ANGPT2: variants seen among roughly 807,000 people sequenced by gnomAD.
ANGPT2 encodes the protein angiopoietin-2.
In ANGPT2, 28 loss-of-function variants were observed where a neutral mutation model predicts 62.9. The ratio of observed to expected loss-of-function variants is 0.44; its 90% CI spans 0.33 to 0.61. The LOEUF is 0.61. Among genes scored for constraint, ANGPT2 ranks in the 20% least tolerant of loss-of-function variants. The probability of loss-of-function intolerance (pLI) is 0.03; values close to 1 mark genes in which losing one functional copy is unlikely to be tolerated. For synonymous variants in ANGPT2, 284 were observed against 207.8 expected, an observed-to-expected ratio of 1.37 and a Z score of -3.15; for missense variants, 727 against 594.9, an observed-to-expected ratio of 1.22 and a Z score of -2.31.
chr8:6,507,626 G>GAGTGC (rs959718946), intron 8 of ANGPT2: 2 of 144,850 alleles, frequency 1.4e-5, no homozygotes, highest in Admixed American at 1.4e-4. Flanking sequence ...CCCCAGGCTG[G>GAGTGC]AGTGCAGTGG....
rs1812496389 is a variant in ANGPT2 at position 6,503,005 on chromosome 8, G to T, written c.*96C>A. On this transcript the variant is annotated 3_prime_UTR_variant, in exon 9 of 9. Transcript: ENST00000629816. ...CAGCACCGAGCACACGCCCTCTGTG[G>T]TGGAAGAGGACACAGTGCGCAGCCG... The T allele has an allele frequency of 8.4e-6, 12 of 1,428,904 alleles. No individual in the cohort carries two copies. In the South Asian group the frequency reaches 1.4e-4, roughly 17 times the overall value. 88.5% of individuals were successfully genotyped at this position (1,428,904 alleles called of 1,614,324 possible). A position where few individuals can be genotyped will look rare whatever the true frequency, so the allele number is the denominator to read the frequency against.
Position 6,499,905 on chromosome 8 carries a change from G to C in ANGPT2, c.*3196C>G, listed in dbSNP as rs773212360. ...GGATTTCTGAGGAGCCGTTCGAACT[G>C]TCTCACCACTTCCCTGCAGCTCCCG... On this transcript the variant is annotated 3_prime_UTR_variant, in exon 9 of 9. Transcript: ENST00000629816. 1.2e-6 allele frequency: 2 copies of C among 1,613,734 alleles called. No individual in the cohort carries two copies. The highest frequency in any genetic ancestry group is 2.2e-5 in the South Asian group (2 of 91,070).
intron 3 of ANGPT2, among the ~76,000 whole-genome samples, chr8:6,524,954 CT>C (rs1214809197): frequency 1.3e-5 from 2 of 152,238 alleles, no homozygotes; most frequent in East Asian, 3.8e-4. Flanking sequence ...GGCAGACACC[CT>C]GCTGTGGACC....
In ANGPT2 at chr8:6,499,791, G is replaced by C; in HGVS notation, c.*3310C>G. ...TTGCTGTGTCTTCAAAGTGATTCTT[G>C]GTTTATTGCCTGCTAAGGCTAATAA... On this transcript the variant is annotated 3_prime_UTR_variant, in exon 9 of 9. Coordinates refer to ENST00000629816, the MANE Select transcript of ANGPT2 (RefSeq NM_001118887.2). The C allele has an allele frequency of 6.9e-7, 1 of 1,458,434 alleles. No homozygotes were observed. Among genetic ancestry groups the C allele is most frequent in the Non-Finnish European group, 9.6e-7 (1 of 1,040,838 alleles). The allele number at this position is 1,458,434 out of a possible 1,614,324, so 90.3% of individuals were successfully genotyped here. A position where few individuals can be genotyped will look rare whatever the true frequency, so the allele number is the denominator to read the frequency against.
chr8:6,537,144 C>A (rs1295512731), intron 1 of ANGPT2, among the ~76,000 whole-genome samples: 1 of 152,088 alleles, frequency 6.6e-6, no homozygotes, highest in African/African-American at 2.4e-5. Flanking sequence ...CGGCTCTTTC[C>A]AATTTCACAT....
intron 1 of ANGPT2, among the ~76,000 whole-genome samples, chr8:6,541,692 A>G (rs1414646695): frequency 2.6e-5 from 4 of 151,998 alleles, no homozygotes; most frequent in African/African-American, 9.7e-5. Context: ...ATATAAAACT[A>G]TTTTCTTTTT....
At position 6,519,938 on chromosome 8, in the gene ANGPT2, C is replaced by G; in HGVS notation, c.853G>C (p.Glu285Gln). ...EEQISFRDCA[E>Q]VFKSGHTTNG... is the part of the protein sequence containing the mutation. The stretch of plus-strand genomic sequence containing the variant: ...GTGGTGTGTCCTGATTTGAATACTT[C>G]AGCACAGTCTCTGAAGCTGATTTGT... The change falls in exon 5 of 9, where the codon GAA becomes CAA. Residue 285 changes from glutamate to glutamine, a missense_variant. Transcript: ENST00000629816. 6.2e-7 allele frequency: 1 copy of G among 1,614,142 alleles called. No homozygotes were observed. The highest frequency in any genetic ancestry group is 8.5e-7 in the Non-Finnish European group (1 of 1,179,998).
chr8:6,555,465 C>CTT (rs530250678), intron 1 of ANGPT2, among the ~76,000 whole-genome samples: 3,938 of 142,592 alleles, frequency 0.028, 198 homozygotes, highest in African/African-American at 0.092. Context: ...GTGGTTTGCC[C>CTT]TTTTTTTTTT....
chr8:6,562,962 T>G lies in ANGPT2; in HGVS notation c.-28A>C. ...TTTCTTCAGTAATAAACCAGCAGCT[T>G]AGCAAACTTGAGGGCAAACACACGT... On this transcript the variant is annotated 5_prime_UTR_variant, in exon 1 of 9. Transcript: ENST00000629816. 6.4e-7 allele frequency: 1 copy of G among 1,555,528 alleles called. No individual in the cohort carries two copies. The highest frequency in any genetic ancestry group is 8.8e-7 in the Non-Finnish European group (1 of 1,142,480).
At chr8:6,528,103 G>C (rs1322828638) in intron 2 of ANGPT2, among the ~76,000 whole-genome samples, 1 of 152,022 alleles carries the variant, frequency 6.6e-6, no homozygotes, top group African/African-American at 2.4e-5. Flanking sequence ...CACCATGTTG[G>C]CCAGGCTGGT....
In ANGPT2 at chr8:6,499,800, C is replaced by A. The variant is rs372082654; in HGVS notation, c.*3301G>T. 1.3e-5 allele frequency: 19 copies of A among 1,512,514 alleles called. No individual in the cohort carries two copies. The African/African-American group carries it at 1.8e-4, about 14-fold the overall frequency. 93.7% of individuals were successfully genotyped at this position (1,512,514 alleles called of 1,614,324 possible). A position where few individuals can be genotyped will look rare whatever the true frequency, so the allele number is the denominator to read the frequency against. On this transcript the variant is annotated 3_prime_UTR_variant, in exon 9 of 9. Coordinates refer to ENST00000629816, the MANE Select transcript of ANGPT2 (RefSeq NM_001118887.2). ...CTTCAAAGTGATTCTTGGTTTATTGCCTGCTAAGGCTAATAAATGTATAAT... is the reference window on the plus strand; with the variant it reads ...CTTCAAAGTGATTCTTGGTTTATTGACTGCTAAGGCTAATAAATGTATAAT...
At chr8:6,504,842 G>T (rs1220291819) in intron 8 of ANGPT2, among the ~76,000 whole-genome samples, 1 of 152,000 alleles carries the variant, frequency 6.6e-6, no homozygotes, top group Non-Finnish European at 1.5e-5. Context: ...ATACACATAG[G>T]GTTTGATACT....
chr8:6,508,371 C>T (rs552557731), intron 8 of ANGPT2: 1 of 154,080 alleles, frequency 6.5e-6, no homozygotes, highest in Non-Finnish European at 1.4e-5. Flanking sequence ...TCGCTTGAGC[C>T]TGGGAGGCAG....
Position 6,502,965 on chromosome 8 carries a change from G to C in ANGPT2, c.*136C>G, listed in dbSNP as rs541092225. On this transcript the variant is annotated 3_prime_UTR_variant, in exon 9 of 9. Coordinates refer to ENST00000629816, the MANE Select transcript of ANGPT2 (RefSeq NM_001118887.2). ...TAAAGTTTACAGGCTCTAATCTGGA[G>C]CATGTGGGTCCCGTCAGCACCGAGC... is the stretch of plus-strand genomic sequence containing the variant. 9.5e-4 allele frequency: 925 copies of C among 968,798 alleles called. 3 individuals are homozygous for C. Among genetic ancestry groups the C allele is most frequent in the Admixed American group, 1.9e-3 (69 of 36,662 alleles). The allele number at this position is 968,798 out of a possible 1,614,324, so 60.0% of individuals were successfully genotyped here.
chr8:6,499,786 T>C lies in ANGPT2; in HGVS notation c.*3315A>G, dbSNP rs2916715. ...ACTTTTTGCTGTGTCTTCAAAGTGA[T>C]TCTTGGTTTATTGCCTGCTAAGGCT... On this transcript the variant is annotated 3_prime_UTR_variant, in exon 9 of 9. Coordinates refer to ENST00000629816, the MANE Select transcript of ANGPT2 (RefSeq NM_001118887.2). 0.32 allele frequency: 456,990 copies of C among 1,429,614 alleles called. 78,619 individuals are homozygous for C. The highest frequency in any genetic ancestry group is 0.38 in the Middle Eastern group (1,548 of 4,110). The allele number at this position is 1,429,614 out of a possible 1,614,324, so 88.6% of individuals were successfully genotyped here.
At chr8:6,505,462 ATATTCTTT>A (rs1813345052) in intron 8 of ANGPT2, among the ~76,000 whole-genome samples, 9 of 77,650 alleles carry the variant, frequency 1.2e-4, no homozygotes, top group Admixed American at 1.5e-4. Flanking sequence ...TAGAATATAT[ATATTCTTT>A]ACATATATAG....
rs187671886 is a variant in ANGPT2 at position 6,557,406 on chromosome 8, C to T, written c.288+5241G>A. On this transcript the variant is annotated intron_variant, in intron 1 of 8. Transcript: ENST00000629816. ...GTGCTTTAAGGTGACTCAGAGCCACCCTGTTGCGATTGCTGCCTTCGTGAT... is the reference window on the plus strand; with the variant it reads ...GTGCTTTAAGGTGACTCAGAGCCACTCTGTTGCGATTGCTGCCTTCGTGAT... Among the ~76,000 whole-genome samples the T allele has an allele frequency of 2.5e-4, 38 of 152,134 alleles. No homozygotes were observed. The East Asian group carries it at 7.1e-3, about 29-fold the overall frequency.
At chr8:6,514,832 C>A (rs996918467) in intron 5 of ANGPT2, 54 bp from the exon 6 acceptor site, 1 of 1,480,916 alleles carries the variant, frequency 6.8e-7, no homozygotes, top group East Asian at 2.3e-5. Context: ...TCCCCCCTTA[C>A]GTAGCAGAAG....
chr8:6,530,155 G>T (rs1333399182), intron 2 of ANGPT2, among the ~76,000 whole-genome samples: 1 of 152,038 alleles, frequency 6.6e-6, no homozygotes, highest in Non-Finnish European at 1.5e-5. Context: ...ATCAAAAGGT[G>T]GGGCATGTGA....
Sources: gnomAD v4.1 joint callset for allele counts (sites outside exome capture counted in the v4.1 genomes callset) on GRCh38, gnomAD v4.1.1 for gene constraint, MANE v1.5 for transcripts, NCBI Gene and HGNC (gene_info 2026-07-23, HGNC 2026-07-21) for gene names.